PALM2AKAP2: variants seen among roughly 807,000 people sequenced by gnomAD.
PALM2AKAP2 encodes PALM2 and AKAP2 fusion, also known as PALM2-AKAP2 fusion protein.
Under a neutral mutation model 71.5 loss-of-function variants are expected in PALM2AKAP2, and 37 were observed. That is an observed-to-expected ratio of 0.52 (90% CI 0.40 to 0.68). The LOEUF (loss-of-function observed/expected upper bound fraction) is 0.68. Ranked by LOEUF, PALM2AKAP2 falls within the 30% of genes least tolerant of loss-of-function variation. The pLI is 0.00. For missense variants in PALM2AKAP2, 1,224 were observed against 1,191.8 expected, an observed-to-expected ratio of 1.03 and a Z score of -0.40; for synonymous variants, 468 against 478.8, an observed-to-expected ratio of 0.98 and a Z score of 0.29.
intron 1 of PALM2AKAP2, among the ~76,000 whole-genome samples, chr9:109,860,363 G>A (rs7040108): frequency 0.17 from 25,736 of 152,106 alleles, 2,319 homozygotes; most frequent in South Asian, 0.23. Flanking sequence ...AATAGAAAAA[G>A]CTTGTTGGGT....
chr9:110,138,017 A>T, exon 2 of PALM2AKAP2: 1 of 1,613,962 alleles, frequency 6.2e-7, no homozygotes, highest in South Asian at 1.1e-5. Context: ...GTCCAAAACC[A>T]GCAGGGATGG....
At chr9:109,923,913 G>A in intron 4 of PALM2AKAP2, 64 bp downstream of exon 4, 4 of 1,443,266 alleles carry the variant, frequency 2.8e-6, no homozygotes, top group Admixed American at 5.3e-5. Flanking sequence ...TAGCAAAATG[G>A]TGCTAACTGG....
At chr9:109,960,042 A>G (rs1159115158) in intron 6 of PALM2AKAP2, among the ~76,000 whole-genome samples, 1 of 152,164 alleles carries the variant, frequency 6.6e-6, no homozygotes, top group Non-Finnish European at 1.5e-5. Context: ...CTTCTTCTCC[A>G]TCACCCCCCT....
intron 1 of PALM2AKAP2, among the ~76,000 whole-genome samples, chr9:110,135,164 A>AAAAAATATATATATATATATATAT: frequency 3.9e-5 from 2 of 51,724 alleles, no homozygotes; most frequent in African/African-American, 1.5e-4. Context: ...AAAAAAAAAA[A>AAAAAATATATATATATATATATAT]ATATATAAAT....
chr9:110,108,340 T>G (rs2118918874), intron 1 of PALM2AKAP2, among the ~76,000 whole-genome samples: 1 of 152,302 alleles, frequency 6.6e-6, no homozygotes, highest in South Asian at 2.1e-4. Flanking sequence ...CCTGAACTCC[T>G]GACCTCAGGT....
At chr9:109,942,604 T>C in intron 6 of PALM2AKAP2, 1 of 1,472,998 alleles carries the variant, frequency 6.8e-7, no homozygotes, top group Non-Finnish European at 9.1e-7. Flanking sequence ...ACAAAACCTT[T>C]TTTTTTGTCT....
chr9:109,929,187 C>T (rs73657308), intron 5 of PALM2AKAP2, among the ~76,000 whole-genome samples: 41,990 of 141,664 alleles, frequency 0.3, 6,742 homozygotes, highest in East Asian at 0.68. Context: ...TTTTTTGTTT[C>T]TTTTTTAAAC....
intron 1 of PALM2AKAP2, among the ~76,000 whole-genome samples, chr9:109,846,916 G>A (rs1828872311): frequency 1.3e-5 from 2 of 152,336 alleles, no homozygotes; most frequent in Admixed American, 6.5e-5. Context: ...GGCCAGGACA[G>A]CACTTCGTCA....
chr9:109,809,171 T>C (rs1359611937), intron 1 of PALM2AKAP2, among the ~76,000 whole-genome samples: 1 of 152,178 alleles, frequency 6.6e-6, no homozygotes, highest in African/African-American at 2.4e-5. Context: ...AAGAAGGCCA[T>C]TGCTCTCCAG....
intron 7 of PALM2AKAP2, among the ~76,000 whole-genome samples, chr9:110,018,782 G>C (rs1052336049): frequency 6.6e-6 from 1 of 152,108 alleles, no homozygotes; most frequent in African/African-American, 2.4e-5. Context: ...TTCTCCTTTA[G>C]GATTCCCAAT....
intron 6 of PALM2AKAP2, among the ~76,000 whole-genome samples, chr9:109,983,323 C>T (rs1193255356): frequency 6.6e-6 from 1 of 152,092 alleles, no homozygotes; most frequent in Non-Finnish European, 1.5e-5. Flanking sequence ...TTTCCACTTT[C>T]CTTCTCTTCT....
At chr9:110,031,703 C>T (rs1833280109) in intron 7 of PALM2AKAP2, among the ~76,000 whole-genome samples, 1 of 152,076 alleles carries the variant, frequency 6.6e-6, no homozygotes, top group Admixed American at 6.6e-5. Flanking sequence ...TAGGTCTAAG[C>T]CAGACAGCAC....
chr9:109,765,392 G>A (rs1325624378), intron 1 of PALM2AKAP2: 4 of 152,654 alleles, frequency 2.6e-5, no homozygotes, highest in African/African-American at 9.7e-5. Flanking sequence ...TTCAGCACAT[G>A]TAAGTGCTCA....
chr9:109,717,704 T>C (rs1828346972), intron 1 of PALM2AKAP2, among the ~76,000 whole-genome samples: 1 of 152,244 alleles, frequency 6.6e-6, no homozygotes, highest in East Asian at 1.9e-4. Flanking sequence ...AGCAGGAGCC[T>C]GTCCTACAAA....
chr9:110,056,499 G>A (rs755783215), intron 1 of PALM2AKAP2, among the ~76,000 whole-genome samples: 10 of 152,216 alleles, frequency 6.6e-5, no homozygotes, highest in Admixed American at 1.3e-4. Flanking sequence ...CTCTGTGTGC[G>A]TGAATTAAAA....
chr9:109,991,045 A>T (rs115126864), intron 6 of PALM2AKAP2, among the ~76,000 whole-genome samples: 493 of 152,060 alleles, frequency 3.2e-3, no homozygotes, highest in African/African-American at 0.011. Flanking sequence ...TCTGTTTCTG[A>T]CTGTTGGGGG....
At chr9:109,943,316 C>A in intron 6 of PALM2AKAP2, 3 of 1,614,230 alleles carry the variant, frequency 1.9e-6, no homozygotes, top group Non-Finnish European at 1.7e-6. Flanking sequence ...AGGCCGGTCT[C>A]AGACACCACA....
chr9:109,746,467 G>A (rs1828803389), intron 1 of PALM2AKAP2, among the ~76,000 whole-genome samples: 1 of 152,156 alleles, frequency 6.6e-6, no homozygotes, highest in South Asian at 2.1e-4. Flanking sequence ...CAAAGTAGGT[G>A]TTTGATCATA....
At chr9:109,841,859 TGGGGGG>T (rs1828697695) in intron 1 of PALM2AKAP2, among the ~76,000 whole-genome samples, 1 of 24,354 alleles carries the variant, frequency 4.1e-5, no homozygotes, top group African/African-American at 1.7e-4. Context: ...GAGGGGAGGG[TGGGGGG>T]ATGGAGGGGA....
Sources: allele counts gnomAD v4.1 joint callset (sites outside exome capture counted in the v4.1 genomes callset), GRCh38; gene constraint gnomAD v4.1.1; transcripts MANE v1.5; gene names NCBI Gene and HGNC (gene_info 2026-07-23, HGNC 2026-07-21).